Variants in FSTL4 observed in about 807,000 individuals in gnomAD.
FSTL4 encodes the protein follistatin like 4, also known as follistatin-related protein 4.
A neutral mutation model predicts 78.2 loss-of-function variants in FSTL4; 28 were observed. That is an observed-to-expected ratio of 0.36 (90% CI 0.27 to 0.49). The LOEUF (loss-of-function observed/expected upper bound fraction) is 0.49. Among genes scored for constraint, FSTL4 ranks in the 20% least tolerant of loss-of-function variants. The probability of loss-of-function intolerance (pLI) is 0.98; values close to 1 mark genes in which losing one functional copy is unlikely to be tolerated. For synonymous variants in FSTL4, 422 were observed against 440.5 expected, an observed-to-expected ratio of 0.96 and a Z score of 0.53; for missense variants, 922 against 1,084.9, an observed-to-expected ratio of 0.85 and a Z score of 2.11.
the FSTL4 span, among the ~76,000 whole-genome samples, chr5:133,758,947 G>C: frequency 3.3e-5 from 5 of 152,302 alleles, no homozygotes; most frequent in East Asian, 5.8e-4. Flanking sequence ...GTCCCCTCAA[G>C]CAAACTATTT....
At chr5:133,203,138 T>G (rs1017106238) in intron 14 of FSTL4, among the ~76,000 whole-genome samples, 1 of 152,208 alleles carries the variant, frequency 6.6e-6, no homozygotes, top group East Asian at 1.9e-4. Context: ...GATGAGGGGC[T>G]TAGCCAACTT....
intron 3 of FSTL4, among the ~76,000 whole-genome samples, chr5:133,405,812 C>T (rs529762597): frequency 2.0e-5 from 3 of 152,300 alleles, no homozygotes; most frequent in South Asian, 2.1e-4. Flanking sequence ...GGCAGAGGCC[C>T]GACGCTCCAG....
At chr5:133,648,452 G>A in the FSTL4 span, among the ~76,000 whole-genome samples, 2 of 152,156 alleles carry the variant, frequency 1.3e-5, no homozygotes, top group East Asian at 3.9e-4. Context: ...TGGGCTCAGG[G>A]TAAACTGTCT....
chr5:133,581,082 T>C (rs947073973), intron 2 of FSTL4, among the ~76,000 whole-genome samples: 2 of 152,190 alleles, frequency 1.3e-5, no homozygotes, highest in African/African-American at 4.8e-5. Context: ...CACACTTTGA[T>C]TAGAAGGCAC....
intron 4 of FSTL4, among the ~76,000 whole-genome samples, chr5:133,357,794 C>T (rs985792540): frequency 3.3e-5 from 5 of 152,126 alleles, no homozygotes; most frequent in South Asian, 2.1e-4. Flanking sequence ...GACTTGGGCT[C>T]GGAGACACCC....
chr5:133,398,572 G>A lies in FSTL4; in HGVS notation c.409+2166C>T, dbSNP rs1039938308. ...CTCTCTACTCTCGGCCTGTGGCCAC[G>A]CTGGATTAGAATAAATAATGATGGC... On this transcript the variant is annotated intron_variant, in intron 4 of 15. Transcript: ENST00000265342. Among the ~76,000 whole-genome samples the A allele has an allele frequency of 1.7e-4, 26 of 152,298 alleles. No individual in the cohort carries two copies. The East Asian group carries it at 3.9e-3, about 23-fold the overall frequency.
At chr5:133,703,517 G>A in the FSTL4 span, among the ~76,000 whole-genome samples, 1 of 152,192 alleles carries the variant, frequency 6.6e-6, no homozygotes, top group African/African-American at 2.4e-5. Context: ...CCAACTGACG[G>A]TTCTTTGCGA....
At chr5:133,557,650 A>G (rs1354049823) in intron 3 of FSTL4, among the ~76,000 whole-genome samples, 1 of 152,162 alleles carries the variant, frequency 6.6e-6, no homozygotes, top group Non-Finnish European at 1.5e-5. Context: ...CTTCCACTGG[A>G]CCTGGAGCTG....
intron 4 of FSTL4, among the ~76,000 whole-genome samples, chr5:133,369,544 C>T (rs1755247417): frequency 1.3e-5 from 2 of 152,224 alleles, no homozygotes; most frequent in Non-Finnish European, 2.9e-5. Context: ...GTGGGAGGAC[C>T]AGGCTTGTTC....
chr5:133,473,793 G>A (rs1757873815), intron 3 of FSTL4, among the ~76,000 whole-genome samples: 1 of 152,166 alleles, frequency 6.6e-6, no homozygotes, highest in African/African-American at 2.4e-5. Context: ...CATGGTAGAA[G>A]GCACCTCTTC....
chr5:133,760,434 T>C, the FSTL4 span, among the ~76,000 whole-genome samples: 1 of 152,116 alleles, frequency 6.6e-6, no homozygotes, highest in African/African-American at 2.4e-5. Context: ...CATGCCATAA[T>C]GTAAGAAAAT....
At chr5:133,411,409 A>C (rs1017772039) in intron 3 of FSTL4, among the ~76,000 whole-genome samples, 3 of 152,202 alleles carry the variant, frequency 2.0e-5, no homozygotes, top group Non-Finnish European at 4.4e-5. Flanking sequence ...GAATTTAAGG[A>C]GATAATGGTC....
intron 4 of FSTL4, among the ~76,000 whole-genome samples, chr5:133,355,134 GA>G (rs1200128796): frequency 6.6e-6 from 1 of 152,246 alleles, no homozygotes; most frequent in African/African-American, 2.4e-5. Context: ...TGGAATTGCA[GA>G]ATACATATTC....
chr5:133,448,725 C>A (rs1757316489), intron 3 of FSTL4, among the ~76,000 whole-genome samples: 1 of 32,086 alleles, frequency 3.1e-5, no homozygotes, highest in Non-Finnish European at 6.5e-5. Context: ...TCAGAATCCC[C>A]AGGGGTGCGG....
the FSTL4 span, among the ~76,000 whole-genome samples, chr5:133,658,749 T>C: frequency 6.6e-6 from 1 of 152,160 alleles, no homozygotes; most frequent in African/African-American, 2.4e-5. Flanking sequence ...TAATTTCTAG[T>C]AAATTTATTT....
intron 3 of FSTL4, among the ~76,000 whole-genome samples, chr5:133,414,416 C>T (rs995505792): frequency 2.6e-5 from 4 of 152,094 alleles, no homozygotes; most frequent in Admixed American, 2.6e-4. Flanking sequence ...TGGGAACCTT[C>T]CACATATGCC....
intron 3 of FSTL4, among the ~76,000 whole-genome samples, chr5:133,453,461 C>T (rs1316833972): frequency 6.6e-6 from 1 of 152,222 alleles, no homozygotes; most frequent in Non-Finnish European, 1.5e-5. Flanking sequence ...GGCAGAGGGG[C>T]CTCACATAGG....
chr5:133,810,245 G>A, the FSTL4 span, among the ~76,000 whole-genome samples: 1 of 152,206 alleles, frequency 6.6e-6, no homozygotes, highest in East Asian at 1.9e-4. Context: ...ATGACACCTG[G>A]GGGCTGGCCC....
chr5:133,779,280 C>A, the FSTL4 span, among the ~76,000 whole-genome samples: 1 of 152,140 alleles, frequency 6.6e-6, no homozygotes, highest in South Asian at 2.1e-4. Context: ...CCAGAGAGAT[C>A]TTCCCTTATA....
Sources: gnomAD v4.1 joint callset for allele counts (sites outside exome capture counted in the v4.1 genomes callset) on GRCh38, gnomAD v4.1.1 for gene constraint, MANE v1.5 for transcripts, NCBI Gene and HGNC (gene_info 2026-07-23, HGNC 2026-07-21) for gene names.